Variants in KBTBD4 observed in about 807,000 individuals in gnomAD.
The protein encoded by KBTBD4 is kelch repeat and BTB domain containing 4.
In KBTBD4, 30 loss-of-function variants were observed where a neutral mutation model predicts 43.9. That is an observed-to-expected ratio of 0.68 (90% CI 0.51 to 0.93). The LOEUF is 0.93. KBTBD4 is among the 40% of genes least tolerant of loss of function. The pLI is 0.00. For synonymous variants in KBTBD4, 258 were observed against 256.9 expected (o/e 1.00, Z -0.04); for missense variants, 575 against 668.8 (o/e 0.86, Z 1.55).
rs2097250254 is a variant in KBTBD4, at chr11:47,572,213, T to C, written c.*717A>G. On this transcript the variant is annotated 3_prime_UTR_variant, in exon 4 of 4. Transcript: ENST00000430070. ...ACACACATATCCCTTCAAAAACTTT[T>C]ATTTGTATCAACAGTTCCTAGCTCT... The C allele has an allele frequency of 6.5e-6, 1 of 152,934 alleles. No homozygotes were observed. The highest frequency in any genetic ancestry group is 2.4e-5 in the African/African-American group (1 of 41,476). 9.5% of individuals were successfully genotyped at this position (152,934 alleles called of 1,614,324 possible).
intron 1 of KBTBD4, 144 bp downstream of exon 1, chr11:47,578,789 C>T (rs1400103356): frequency 2.6e-6 from 4 of 1,533,004 alleles, no homozygotes; most frequent in Non-Finnish European, 2.6e-6. Context: ...GGGTGTGTAG[C>T]GTAGAACCCA....
chr11:47,577,413 G>A lies in KBTBD4; in HGVS notation c.635C>T (p.Ser212Leu), dbSNP rs371150449. Reference sequence around the variant, plus strand: ...GTGTGTCCCCTCCCTAAACTTACCCGAGATGATATCTGTGAGTAAGCGGTG... The same window carrying A: ...GTGTGTCCCCTCCCTAAACTTACCCAAGATGATATCTGTGAGTAAGCGGTG... ...LPHRLLTDII[S>L]DGVPCSQNPT... Residue 212 changes from serine to leucine, a missense_variant and splice_region_variant, in exon 2 of 4, where the codon TCG (serine) becomes TTG (leucine). By Grantham distance (145) the Ser-to-Leu change is moderately radical (BLOSUM62 -2). Coordinates refer to ENST00000430070, the MANE Select transcript of KBTBD4 (RefSeq NM_018095.6). The A allele has an allele frequency of 9.7e-5, 155 of 1,598,250 alleles. No homozygotes were observed. The highest frequency in any genetic ancestry group is 1.3e-4 in the Non-Finnish European group (150 of 1,167,730).
At chr11:47,574,091 C>A (rs2097254955) in intron 3 of KBTBD4, among the ~76,000 whole-genome samples, 1 of 152,150 alleles carries the variant, frequency 6.6e-6, no homozygotes, top group African/African-American at 2.4e-5. Flanking sequence ...ACTTTGAAAG[C>A]TCATAGATTG....
At position 47,573,257 on chromosome 11, in the gene KBTBD4, G is replaced by A; in HGVS notation, c.1278C>T (p.Cys426=). ...IQCFDTETDK[C]HVKPYVLPFA... ...AGGGCAGCACATAGGGCTTCACATG[G>A]CATTTGTCTGTCTCTGTGTCAAAGC... Residue 426 remains cysteine (C), a synonymous_variant, in exon 4 of 4, where the codon TGC becomes TGT. Transcript: ENST00000430070. This position sits in a 1 kb window ranked among gnomAD's most constrained non-coding sequence, Gnocchi z 4.1. The A allele has an allele frequency of 6.2e-7, 1 of 1,614,130 alleles. No individual in the cohort carries two copies. Among genetic ancestry groups the A allele is most frequent in the Non-Finnish European group, 8.5e-7 (1 of 1,180,016 alleles).
At chr11:47,575,761 G>T in intron 2 of KBTBD4, 62 bp from the exon 3 acceptor site, 1 of 1,110,280 alleles carries the variant, frequency 9.0e-7, no homozygotes. Context: ...CAGAGTAAGG[G>T]ACTTTAAAGA....
At chr11:47,576,158 C>CTTTTT (rs11345162) in intron 2 of KBTBD4, among the ~76,000 whole-genome samples, 1 of 49,094 alleles carries the variant, frequency 2.0e-5, no homozygotes, top group Non-Finnish European at 3.4e-5. Flanking sequence ...GCGGGTCTTG[C>CTTTTT]TTTTTTTTTT....
chr11:47,572,949 A>C lies in KBTBD4; in HGVS notation c.1586T>G (p.Leu529Trp), dbSNP rs774788281. ...TRGIKVLLTNLQFVLA is the reference protein window; with the variant it reads ...TRGIKVLLTNWQFVLA The stretch of plus-strand genomic sequence containing the variant: ...ACAGCCTTAGGCCAACACAAACTGC[A>C]AATTGGTAAGCAGCACCTTAATACC... Residue 529 changes from leucine (L) to tryptophan (W), a missense_variant, in exon 4 of 4, where the codon TTG becomes TGG. Coordinates refer to ENST00000430070, the MANE Select transcript of KBTBD4 (RefSeq NM_018095.6). 1 of 1,613,778 alleles carries C rather than the reference A, an allele frequency of 6.2e-7. No homozygotes were observed. Among genetic ancestry groups the C allele is most frequent in the Non-Finnish European group, 8.5e-7 (1 of 1,179,816 alleles).
intron 3 of KBTBD4, 49 bp downstream of exon 3, chr11:47,575,544 A>C: frequency 8.3e-7 from 1 of 1,204,086 alleles, no homozygotes; most frequent in Non-Finnish European, 1.2e-6. Context: ...ACTGATGGCA[A>C]GAATGCATGG....
chr11:47,577,414 A>C lies in KBTBD4; in HGVS notation c.634T>G (p.Ser212Ala). 1 of 1,599,410 alleles carries C rather than the reference A, an allele frequency of 6.3e-7. No individual in the cohort carries two copies. The highest frequency in any genetic ancestry group is 8.6e-7 in the Non-Finnish European group (1 of 1,168,524). ...TGTGTCCCCTCCCTAAACTTACCCG[A>C]GATGATATCTGTGAGTAAGCGGTGG... Reference protein sequence around the residue: ...LPHRLLTDIISDGVPCSQNPT... With the variant: ...LPHRLLTDIIADGVPCSQNPT... The change falls in exon 2 of 4, where the codon TCG becomes GCG. Residue 212 changes from serine to alanine, a missense_variant. Transcript: ENST00000430070.
chr11:47,573,680 G>A lies in KBTBD4; in HGVS notation c.855C>T (p.Gly285=), dbSNP rs1236475723. The A allele has an allele frequency of 2.5e-6, 4 of 1,611,820 alleles. No homozygotes were observed. The Middle Eastern group carries it at 6.6e-4, about 266-fold the overall frequency. Residue 285 remains glycine (G), a synonymous_variant, in exon 4 of 4, where the codon GGC becomes GGT. Coordinates refer to ENST00000430070, the MANE Select transcript of KBTBD4 (RefSeq NM_018095.6). This position sits in a 1 kb window ranked among gnomAD's most constrained non-coding sequence, Gnocchi z 4.1. The part of the protein sequence containing the change: ...CAEDDSISVS[G]QNSLCHQITA... ...TGATCTGGTGGCACAAACTGTTTTGGCCACTTACACTGATGGAGTCATCTT... is the reference window on the plus strand; with the variant it reads ...TGATCTGGTGGCACAAACTGTTTTGACCACTTACACTGATGGAGTCATCTT...
At chr11:47,576,138 A>G in intron 2 of KBTBD4, among the ~76,000 whole-genome samples, 1 of 141,036 alleles carries the variant, frequency 7.1e-6, no homozygotes, top group African/African-American at 2.7e-5. Context: ...GGCATGAGCC[A>G]CCATGCCTGG....
chr11:47,575,047 T>A (rs2153793748), intron 3 of KBTBD4, among the ~76,000 whole-genome samples: 1 of 151,878 alleles, frequency 6.6e-6, no homozygotes, highest in South Asian at 2.1e-4. Context: ...AAACCCCATC[T>A]CTACTAAAAA....
rs955832064 is a variant in KBTBD4, at chr11:47,578,301, T to C, written c.20-273A>G. The C allele has an allele frequency of 1.9e-5, 11 of 583,512 alleles. No homozygotes were observed. In the Admixed American group the frequency reaches 2.5e-4, roughly 13 times the overall value. 36.1% of individuals were successfully genotyped at this position (583,512 alleles called of 1,614,324 possible). A position where few individuals can be genotyped will look rare whatever the true frequency, so the allele number is the denominator to read the frequency against. On this transcript the variant is annotated intron_variant, in intron 1 of 3. Transcript: ENST00000430070. Reference sequence around the variant, plus strand: ...AACACGGAATAATTCCTTTCCATAATGTTAACAAAAGACTTGGGATTTAGG... The same window carrying C: ...AACACGGAATAATTCCTTTCCATAACGTTAACAAAAGACTTGGGATTTAGG...
At chr11:47,577,000 A>G (rs1474815608) in intron 2 of KBTBD4, among the ~76,000 whole-genome samples, 1 of 152,146 alleles carries the variant, frequency 6.6e-6, no homozygotes, top group South Asian at 2.1e-4. Context: ...AAGTATGGCT[A>G]TATCTCACTT....
intron 1 of KBTBD4, 40 bp downstream of exon 1, chr11:47,578,893 C>A: frequency 1.9e-6 from 3 of 1,551,566 alleles, no homozygotes; most frequent in Non-Finnish European, 2.6e-6. Context: ...GGACCACGCT[C>A]ACCTCACGAT....
At position 47,572,736 on chromosome 11, in the gene KBTBD4, T is replaced by C. The variant is rs1478481692; in HGVS notation, c.*194A>G. Reference sequence around the variant, plus strand: ...AGAGAACAGGCTGGCCTACTGTCAGTTCAAGCAACCAGCTGAGCAGCAGCA... The same window carrying C: ...AGAGAACAGGCTGGCCTACTGTCAGCTCAAGCAACCAGCTGAGCAGCAGCA... On this transcript the variant is annotated 3_prime_UTR_variant, in exon 4 of 4. Coordinates refer to ENST00000430070, the MANE Select transcript of KBTBD4 (RefSeq NM_018095.6). The C allele has an allele frequency of 3.2e-6, 2 of 618,284 alleles. No individual in the cohort carries two copies. Among genetic ancestry groups the C allele is most frequent in the African/African-American group, 3.7e-5 (2 of 54,242 alleles). 38.3% of individuals were successfully genotyped at this position (618,284 alleles called of 1,614,324 possible). A position where few individuals can be genotyped will look rare whatever the true frequency, so the allele number is the denominator to read the frequency against.
At chr11:47,574,428 C>T (rs1259642235) in intron 3 of KBTBD4, among the ~76,000 whole-genome samples, 3 of 151,962 alleles carry the variant, frequency 2.0e-5, no homozygotes, top group South Asian at 2.1e-4. Context: ...ATTTGAGAGG[C>T]GGAGGTTGCA....
At chr11:47,574,173 A>G (rs1180588651) in intron 3 of KBTBD4, among the ~76,000 whole-genome samples, 19 of 152,120 alleles carry the variant, frequency 1.2e-4, no homozygotes, top group Admixed American at 1.2e-3. Flanking sequence ...AACTTATTCA[A>G]AAATAAATAA....
intron 3 of KBTBD4, among the ~76,000 whole-genome samples, chr11:47,574,312 T>C (rs1321612044): frequency 6.6e-6 from 1 of 150,878 alleles, no homozygotes; most frequent in Non-Finnish European, 1.5e-5. Flanking sequence ...GCCTGACCAA[T>C]ATGGTGAAAC....
Sources: allele counts gnomAD v4.1 joint callset (sites outside exome capture counted in the v4.1 genomes callset), GRCh38; gene constraint gnomAD v4.1.1; non-coding constraint Gnocchi (gnomAD v3.1); transcripts MANE v1.5; gene names NCBI Gene and HGNC (gene_info 2026-07-23, HGNC 2026-07-21).